SYNPR: variants seen among roughly 807,000 people sequenced by gnomAD.
SYNPR encodes the protein synaptoporin.
In SYNPR, 23 loss-of-function variants were observed where a neutral mutation model predicts 32.9. The observed-to-expected ratio is 0.70, with a 90% CI of 0.50 to 0.99. The LOEUF is 0.99. SYNPR is among the 50% of genes least tolerant of loss of function. The probability of loss-of-function intolerance (pLI) is 0.00; values close to 1 mark genes in which losing one functional copy is unlikely to be tolerated. For missense variants in SYNPR, 318 were observed against 349.3 expected, an observed-to-expected ratio of 0.91 and a Z score of 0.71; for synonymous variants, 146 against 135.9, an observed-to-expected ratio of 1.07 and a Z score of -0.52.
At chr3:63,549,605 A>T (rs1440925991) in intron 3 of SYNPR, among the ~76,000 whole-genome samples, 1 of 152,176 alleles carries the variant, frequency 6.6e-6, no homozygotes, top group Non-Finnish European at 1.5e-5. Flanking sequence ...AACCTAGCAC[A>T]ATGCCTAGGT....
intron 2 of SYNPR, among the ~76,000 whole-genome samples, chr3:63,408,109 A>G (rs1309368498): frequency 6.8e-6 from 1 of 147,446 alleles, no homozygotes; most frequent in Non-Finnish European, 1.5e-5. Context: ...ATTAGTCAGG[A>G]TTCTCCAGAT....
chr3:63,365,764 T>C (rs1466765234), intron 2 of SYNPR, among the ~76,000 whole-genome samples: 2 of 152,232 alleles, frequency 1.3e-5, no homozygotes, highest in Non-Finnish European at 2.9e-5. Context: ...GATATATACG[T>C]ATGTGCACGT....
chr3:63,484,691 A>T (rs1701112234), intron 3 of SYNPR, among the ~76,000 whole-genome samples: 1 of 152,222 alleles, frequency 6.6e-6, no homozygotes, highest in South Asian at 2.1e-4. Flanking sequence ...TCTGTGAAGG[A>T]GGCTACTATT....
chr3:63,325,449 C>A (rs1172039807), intron 2 of SYNPR, among the ~76,000 whole-genome samples: 1 of 152,124 alleles, frequency 6.6e-6, no homozygotes, highest in African/African-American at 2.4e-5. Context: ...CACTCAGGTA[C>A]AAAATGTAAT....
intron 2 of SYNPR, among the ~76,000 whole-genome samples, chr3:63,349,011 A>G (rs557982010): frequency 6.6e-6 from 1 of 152,276 alleles, no homozygotes; most frequent in African/African-American, 2.4e-5. Context: ...TTAGTTCCAT[A>G]TGAATAGATC....
chr3:63,258,761 C>CA (rs1056645212), intron 2 of SYNPR, among the ~76,000 whole-genome samples: 12 of 152,002 alleles, frequency 7.9e-5, no homozygotes, highest in African/African-American at 2.4e-4. Context: ...AAACATCCTT[C>CA]AAAAAAATCA....
chr3:63,557,969 A>C (rs1702622121), intron 4 of SYNPR, among the ~76,000 whole-genome samples: 1 of 152,236 alleles, frequency 6.6e-6, no homozygotes, highest in South Asian at 2.1e-4. Context: ...GTGCTTTTTA[A>C]AGCTGGTTAG....
At chr3:63,544,005 C>T (rs553447358) in intron 3 of SYNPR, among the ~76,000 whole-genome samples, 3 of 151,912 alleles carry the variant, frequency 2.0e-5, no homozygotes, top group Non-Finnish European at 2.9e-5. Flanking sequence ...ATCCAGGTGA[C>T]GTCCATCTTT....
intron 2 of SYNPR, among the ~76,000 whole-genome samples, chr3:63,393,545 T>C (rs1331357770): frequency 7.2e-6 from 1 of 138,398 alleles, no homozygotes; most frequent in Admixed American, 7.8e-5. Flanking sequence ...TCACCATGGC[T>C]GGAGTGCAGT....
At chr3:63,530,118 A>G (rs536395153) in intron 3 of SYNPR, among the ~76,000 whole-genome samples, 2 of 152,336 alleles carry the variant, frequency 1.3e-5, no homozygotes, top group East Asian at 1.9e-4. Context: ...TTAAATAACA[A>G]GTAAAAACAC....
chr3:63,441,224 C>T (rs1170858286), intron 2 of SYNPR, among the ~76,000 whole-genome samples: 2 of 152,082 alleles, frequency 1.3e-5, no homozygotes, highest in Non-Finnish European at 2.9e-5. Flanking sequence ...AATGATATAC[C>T]AAAAACACCC....
intron 3 of SYNPR, among the ~76,000 whole-genome samples, chr3:63,531,152 A>G (rs1343913684): frequency 3.3e-5 from 5 of 152,204 alleles, no homozygotes; most frequent in African/African-American, 4.8e-5. Flanking sequence ...GACTGTCACA[A>G]GTATCAACAG....
At chr3:63,472,069 C>G (rs778337860) in intron 2 of SYNPR, among the ~76,000 whole-genome samples, 1 of 152,184 alleles carries the variant, frequency 6.6e-6, no homozygotes, top group Non-Finnish European at 1.5e-5. Flanking sequence ...ACGTGAGCTA[C>G]CACCTGCAGC....
At chr3:63,227,826 C>T (rs1007763705), upstream of SYNPR, among the ~76,000 whole-genome samples, 1 of 152,116 alleles carries the variant, frequency 6.6e-6, no homozygotes, top group Non-Finnish European at 1.5e-5. Flanking sequence ...AGAAATAGGT[C>T]ACATGGCTAC....
intron 3 of SYNPR, among the ~76,000 whole-genome samples, chr3:63,268,923 C>T (rs1190098136): frequency 6.6e-6 from 1 of 152,152 alleles, no homozygotes; most frequent in African/African-American, 2.4e-5. Context: ...AAATTTATTT[C>T]AATTTCTAGG....
the SYNPR span, among the ~76,000 whole-genome samples, chr3:63,206,399 G>A: frequency 1.3e-5 from 2 of 152,042 alleles, no homozygotes; most frequent in African/African-American, 4.8e-5. Flanking sequence ...GGTCACTTGT[G>A]GTGAGGAGTT....
intron 4 of SYNPR, among the ~76,000 whole-genome samples, chr3:63,595,745 A>AATTT (rs1249833024): frequency 2.1e-4 from 9 of 41,934 alleles, no homozygotes; most frequent in African/African-American, 1.3e-3. Context: ...ATATATATAT[A>AATTT]TATATATATA....
chr3:63,360,556 C>T (rs2087643666), intron 2 of SYNPR, among the ~76,000 whole-genome samples: 1 of 152,180 alleles, frequency 6.6e-6, no homozygotes, highest in African/African-American at 2.4e-5. Context: ...CTATAAGACA[C>T]AATATCATCT....
At chr3:63,210,870 C>T in the SYNPR span, among the ~76,000 whole-genome samples, 1 of 151,024 alleles carries the variant, frequency 6.6e-6, no homozygotes, top group Non-Finnish European at 1.5e-5. Context: ...AACTACTAAA[C>T]TAATTGTATA....
Sources: allele counts gnomAD v4.1 joint callset (sites outside exome capture counted in the v4.1 genomes callset), GRCh38; gene constraint gnomAD v4.1.1; transcripts MANE v1.5; gene names NCBI Gene and HGNC (gene_info 2026-07-23, HGNC 2026-07-21).